The following HSD17B3 variants were observed in gnomAD, a reference collection of about 807,000 sequenced individuals.
HSD17B3 encodes hydroxysteroid 17-beta dehydrogenase 3, also known as 17-beta-hydroxysteroid dehydrogenase type 3.
Under a neutral mutation model 41.1 loss-of-function variants are expected in HSD17B3, and 29 were observed. The ratio of observed to expected loss-of-function variants is 0.71; its 90% CI spans 0.53 to 0.96. The LOEUF is 0.96. Among genes scored for constraint, HSD17B3 ranks in the 40% least tolerant of loss-of-function variants. The pLI is 0.00. For synonymous variants in HSD17B3, 126 were observed against 145.6 expected, an observed-to-expected ratio of 0.87 and a Z score of 0.97; for missense variants, 323 against 374.6, an observed-to-expected ratio of 0.86 and a Z score of 1.14.
intron 2 of HSD17B3, among the ~76,000 whole-genome samples, chr9:96,279,313 C>T (rs1387224860): frequency 6.6e-6 from 1 of 152,038 alleles, no homozygotes; most frequent in South Asian, 2.1e-4. Flanking sequence ...GTAAGATGTA[C>T]GTTGCTTCTG....
At chr9:96,250,487 T>C (rs1290322590) in intron 5 of HSD17B3, 2 of 1,055,424 alleles carry the variant, frequency 1.9e-6, no homozygotes, top group African/African-American at 3.3e-5. Flanking sequence ...ATGGGATACC[T>C]GCAGAAGTGG....
intron 2 of HSD17B3, among the ~76,000 whole-genome samples, chr9:96,267,646 G>C (rs1826090502): frequency 6.6e-6 from 1 of 151,772 alleles, no homozygotes; most frequent in Non-Finnish European, 1.5e-5. Flanking sequence ...TTTGAAAGGA[G>C]GGAAGATACA....
intron 1 of HSD17B3, among the ~76,000 whole-genome samples, chr9:96,300,273 C>A (rs534462416): frequency 6.8e-6 from 1 of 146,596 alleles, no homozygotes; most frequent in African/African-American, 2.5e-5. Context: ...AAATATAAGA[C>A]GCAGAAGTCA....
chr9:96,257,224 T>C (rs950913391), intron 2 of HSD17B3, among the ~76,000 whole-genome samples: 1 of 152,216 alleles, frequency 6.6e-6, no homozygotes, highest in Non-Finnish European at 1.5e-5. Flanking sequence ...AACGAAATAA[T>C]ACACCATCCC....
intron 2 of HSD17B3, chr9:96,256,297 A>G (rs1407131841): frequency 1.3e-5 from 2 of 152,140 alleles, no homozygotes; most frequent in Non-Finnish European, 2.9e-5. Flanking sequence ...CAATTTTAGT[A>G]TATGTGTTGC....
intron 10 of HSD17B3, chr9:96,239,516 G>C (rs1453998224): frequency 6.6e-6 from 1 of 152,200 alleles, no homozygotes; most frequent in Non-Finnish European, 1.5e-5. Flanking sequence ...GCACATTGTT[G>C]AGGTTCTACA....
At chr9:96,251,294 TAC>T in intron 5 of HSD17B3, 122 bp downstream of exon 5, 1 of 776,652 alleles carries the variant, frequency 1.3e-6, no homozygotes, top group East Asian at 2.6e-5. Context: ...CCTCAATACA[TAC>T]AGTCCAGGAT....
At chr9:96,264,090 G>C (rs1190101570) in intron 2 of HSD17B3, among the ~76,000 whole-genome samples, 1 of 151,906 alleles carries the variant, frequency 6.6e-6, no homozygotes, top group Non-Finnish European at 1.5e-5. Context: ...ATGTCATTTT[G>C]TACCCAATAA....
At chr9:96,261,258 T>C (rs1057071507) in intron 2 of HSD17B3, among the ~76,000 whole-genome samples, 4 of 147,448 alleles carry the variant, frequency 2.7e-5, no homozygotes, top group Admixed American at 1.4e-4. Flanking sequence ...TGTTTATTCA[T>C]GATGTTGGCT....
At chr9:96,255,412 T>A (rs976467976) in intron 2 of HSD17B3, among the ~76,000 whole-genome samples, 1 of 117,848 alleles carries the variant, frequency 8.5e-6, no homozygotes, top group Non-Finnish European at 1.7e-5. Flanking sequence ...TTTTTTGCAA[T>A]AGAGTCTTGC....
intron 2 of HSD17B3, among the ~76,000 whole-genome samples, chr9:96,258,957 C>A (rs147751542): frequency 0.01 from 1,573 of 152,276 alleles, 21 homozygotes; most frequent in African/African-American, 0.036. Flanking sequence ...CATTTGGGAA[C>A]CCATTCAGGA....
At chr9:96,245,887 G>A (rs1312364167) in intron 7 of HSD17B3, among the ~76,000 whole-genome samples, 4 of 152,158 alleles carry the variant, frequency 2.6e-5, no homozygotes, top group Non-Finnish European at 5.9e-5. Context: ...CACAGTACAG[G>A]ACCTGCTCAC....
At chr9:96,286,712 AC>A (rs993089661) in intron 2 of HSD17B3, among the ~76,000 whole-genome samples, 13 of 146,858 alleles carry the variant, frequency 8.9e-5, no homozygotes, top group Non-Finnish European at 1.7e-4. Context: ...CAAAAAAAAA[AC>A]CAAGATGGCA....
chr9:96,287,687 G>A (rs576974659), intron 2 of HSD17B3, among the ~76,000 whole-genome samples: 2 of 152,122 alleles, frequency 1.3e-5, no homozygotes, highest in East Asian at 3.9e-4. Context: ...TCCAGCCTGG[G>A]CAAGAGAGCG....
chr9:96,291,818 G>A lies in HSD17B3; in HGVS notation c.201+6598C>T, dbSNP rs537011747. On this transcript the variant is annotated intron_variant, in intron 2 of 10. Transcript: ENST00000375263. ...TTAAAAATACAAAAATTAGCTGGGC[G>A]TGGTGGTGGGCACCTGTAATCCCAG... Among the ~76,000 whole-genome samples the A allele has an allele frequency of 7.5e-4, 114 of 152,142 alleles. 1 individual carries two copies. Among genetic ancestry groups the A allele is most frequent in the Non-Finnish European group, 1.0e-3 (70 of 67,980 alleles).
intron 2 of HSD17B3, among the ~76,000 whole-genome samples, chr9:96,266,911 G>A (rs539986151): frequency 1.3e-5 from 2 of 152,058 alleles, no homozygotes; most frequent in South Asian, 4.2e-4. Context: ...TTTTCTCTGC[G>A]GAATCTGACC....
At chr9:96,261,422 T>C (rs974094211) in intron 2 of HSD17B3, among the ~76,000 whole-genome samples, 4 of 152,230 alleles carry the variant, frequency 2.6e-5, no homozygotes, top group African/African-American at 9.6e-5. Context: ...CTCTAACTGC[T>C]GACCTCAGGT....
At chr9:96,237,866 A>G (rs1836290244) in intron 10 of HSD17B3, among the ~76,000 whole-genome samples, 1 of 152,238 alleles carries the variant, frequency 6.6e-6, no homozygotes, top group Non-Finnish European at 1.5e-5. Context: ...ACAGTGGCTC[A>G]CACCTGTAAT....
chr9:96,292,811 T>C (rs1230122545), intron 2 of HSD17B3, among the ~76,000 whole-genome samples: 2 of 152,208 alleles, frequency 1.3e-5, no homozygotes, highest in African/African-American at 2.4e-5. Flanking sequence ...CCCCTGTTTA[T>C]TGGGGAAAAG....
Sources: gnomAD v4.1 joint callset for allele counts (sites outside exome capture counted in the v4.1 genomes callset) on GRCh38, gnomAD v4.1.1 for gene constraint, MANE v1.5 for transcripts, NCBI Gene and HGNC (gene_info 2026-07-23, HGNC 2026-07-21) for gene names.